The following NEDD4 variants were observed in gnomAD, a reference collection of about 807,000 sequenced individuals.
NEDD4 encodes the protein NEDD4 E3 ubiquitin protein ligase.
Under a neutral mutation model 144.9 loss-of-function variants are expected in NEDD4, and 99 were observed. The ratio of observed to expected loss-of-function variants is 0.68; its 90% confidence interval spans 0.58 to 0.81. The LOEUF is 0.81. Among genes scored for constraint, NEDD4 ranks in the 30% least tolerant of loss-of-function variants. The pLI is 0.00. For missense variants in NEDD4, 985 were observed against 1,065.9 expected (o/e 0.92, Z 1.06); for synonymous variants, 318 against 350.6 (o/e 0.91, Z 1.04).
At chr15:55,964,188 CCTT>C (rs1322107435) in intron 2 of NEDD4, among the ~76,000 whole-genome samples, 2 of 151,890 alleles carry the variant, frequency 1.3e-5, no homozygotes, top group Admixed American at 6.6e-5. Flanking sequence ...AAATATTGTG[CCTT>C]CTTCTTTTCC....
Position 55,957,898 on chromosome 15 carries a change from C to T in NEDD4, c.120-6309G>A, listed in dbSNP as rs150375599. Among the ~76,000 whole-genome samples, 1,383 of 152,270 alleles carry T rather than the reference C, an allele frequency of 9.1e-3. 10 individuals are homozygous for T. Among genetic ancestry groups the T allele is most frequent in the African/African-American group, 0.029 (1,214 of 41,546 alleles). ...CAGAAAACCAAACACCGCATGTTCTCACTCATAGGTGGGAACTGAACAATA... is the reference window on the plus strand; with the variant it reads ...CAGAAAACCAAACACCGCATGTTCTTACTCATAGGTGGGAACTGAACAATA... On this transcript the variant is annotated intron_variant, in intron 2 of 28. Transcript: ENST00000435532.
At chr15:55,888,210 T>C (rs754169868) in intron 5 of NEDD4, among the ~76,000 whole-genome samples, 2 of 152,178 alleles carry the variant, frequency 1.3e-5, no homozygotes, top group Non-Finnish European at 2.9e-5. Flanking sequence ...TGTTTGTAGA[T>C]GATATGATCT....
At chr15:55,991,507 A>G (rs571379018) in intron 1 of NEDD4, among the ~76,000 whole-genome samples, 78 of 152,354 alleles carry the variant, frequency 5.1e-4, no homozygotes, top group African/African-American at 1.7e-3. Context: ...CAGTAAATGA[A>G]TGTCTGTTGA....
chr15:55,929,769 A>C (rs1566956557), intron 4 of NEDD4, among the ~76,000 whole-genome samples: 1 of 152,314 alleles, frequency 6.6e-6, no homozygotes, highest in East Asian at 1.9e-4. Flanking sequence ...AATTAGAAAA[A>C]CTGTCCTCAA....
At chr15:55,914,323 T>A (rs1304963971) in intron 5 of NEDD4, among the ~76,000 whole-genome samples, 2 of 151,898 alleles carry the variant, frequency 1.3e-5, no homozygotes, top group African/African-American at 4.8e-5. Flanking sequence ...GAAAATTTTT[T>A]AAATTTCCTG....
chr15:55,938,568 G>A (rs1011300429), intron 4 of NEDD4, among the ~76,000 whole-genome samples: 9 of 152,002 alleles, frequency 5.9e-5, no homozygotes, highest in African/African-American at 1.9e-4. Context: ...GATTTTTTGG[G>A]TGACACCAAA....
At chr15:55,844,426 A>C (rs1178116403) in intron 18 of NEDD4, among the ~76,000 whole-genome samples, 1 of 152,120 alleles carries the variant, frequency 6.6e-6, no homozygotes, top group African/African-American at 2.4e-5. Flanking sequence ...GAGTGAGAGA[A>C]GACAGAGGGA....
intron 19 of NEDD4, 57 bp downstream of exon 19, chr15:55,841,877 T>TA: frequency 6.7e-7 from 1 of 1,493,900 alleles, no homozygotes; most frequent in South Asian, 1.1e-5. Context: ...GGCCGACTCT[T>TA]ACTTTTAAAA....
At chr15:55,955,085 A>G (rs1443217765) in intron 2 of NEDD4, among the ~76,000 whole-genome samples, 9 of 151,990 alleles carry the variant, frequency 5.9e-5, no homozygotes, top group Admixed American at 5.2e-4. Context: ...CAGTGCTGCA[A>G]TCTCGGCTCA....
chr15:55,895,286 C>T lies in NEDD4; in HGVS notation c.292-21278G>A, dbSNP rs145533910. Among the ~76,000 whole-genome samples the T allele has an allele frequency of 3.4e-4, 52 of 152,244 alleles. 1 individual carries two copies. The East Asian group carries it at 9.4e-3, about 28-fold the overall frequency. On this transcript the variant is annotated intron_variant, in intron 5 of 28. Coordinates refer to ENST00000435532, the MANE Select transcript of NEDD4 (RefSeq NM_006154.4). ...AAAAGATAACTTTCGAAGAGGTGGACGCTAACATTCTCTGGAGAATTATCT... is the reference window on the plus strand; with the variant it reads ...AAAAGATAACTTTCGAAGAGGTGGATGCTAACATTCTCTGGAGAATTATCT...
intron 5 of NEDD4, among the ~76,000 whole-genome samples, chr15:55,921,880 A>C (rs1191229680): frequency 6.6e-6 from 1 of 152,004 alleles, no homozygotes; most frequent in Non-Finnish European, 1.5e-5. Context: ...CAAATACTAA[A>C]GTTACTGGCA....
intron 4 of NEDD4, among the ~76,000 whole-genome samples, chr15:55,942,228 A>T (rs2037020831): frequency 6.6e-6 from 1 of 152,178 alleles, no homozygotes; most frequent in Non-Finnish European, 1.5e-5. Flanking sequence ...TTCACTCTTT[A>T]TAATCATGAA....
At chr15:55,894,994 T>C (rs1472860008) in intron 5 of NEDD4, among the ~76,000 whole-genome samples, 1 of 152,180 alleles carries the variant, frequency 6.6e-6, no homozygotes, top group Non-Finnish European at 1.5e-5. Context: ...CAACTTTCTT[T>C]CCACCTCTAA....
intron 1 of NEDD4, 58 bp downstream of exon 1, chr15:55,993,453 G>A: frequency 1.3e-6 from 2 of 1,573,786 alleles, no homozygotes; most frequent in Non-Finnish European, 1.7e-6. Flanking sequence ...ACCTCCCCGG[G>A]TCCGGCTGCT....
intron 8 of NEDD4, among the ~76,000 whole-genome samples, chr15:55,867,210 T>C (rs1004569854): frequency 6.6e-6 from 1 of 152,196 alleles, no homozygotes; most frequent in Non-Finnish European, 1.5e-5. Flanking sequence ...AGTCACAAAC[T>C]AGCTGTCAAA....
chr15:55,959,442 C>T (rs1157919554), intron 2 of NEDD4, among the ~76,000 whole-genome samples: 8 of 152,146 alleles, frequency 5.3e-5, no homozygotes, highest in African/African-American at 1.9e-4. Flanking sequence ...GATTAACGTA[C>T]CATGTGCATT....
intron 4 of NEDD4, among the ~76,000 whole-genome samples, chr15:55,927,258 A>C (rs1171079354): frequency 2.0e-5 from 3 of 152,042 alleles, no homozygotes; most frequent in African/African-American, 7.2e-5. Flanking sequence ...TGAGAAAAGA[A>C]GGCATGGGGG....
At chr15:55,971,698 G>A (rs1057424663) in intron 1 of NEDD4, among the ~76,000 whole-genome samples, 2 of 150,978 alleles carry the variant, frequency 1.3e-5, no homozygotes, top group Non-Finnish European at 2.9e-5. Context: ...TTTATTCAGA[G>A]AAATAATAAC....
chr15:55,936,706 A>C (rs1382718254), intron 4 of NEDD4, among the ~76,000 whole-genome samples: 1 of 152,214 alleles, frequency 6.6e-6, no homozygotes, highest in African/African-American at 2.4e-5. Flanking sequence ...CACAGAGTAA[A>C]TAACATGTGC....
Sources: allele counts gnomAD v4.1 joint callset (sites outside exome capture counted in the v4.1 genomes callset), GRCh38; gene constraint gnomAD v4.1.1; transcripts MANE v1.5; gene names NCBI Gene and HGNC (gene_info 2026-07-23, HGNC 2026-07-21).